The following CELF2 variants were observed in gnomAD, a reference collection of about 807,000 sequenced individuals.
The protein encoded by CELF2 is CUG triplet repeat RNA-binding protein 2.
In CELF2, 8 loss-of-function variants were observed where a neutral mutation model predicts 62.6. The ratio of observed to expected loss-of-function variants is 0.13; its 90% confidence interval spans 0.07 to 0.23. The LOEUF (loss-of-function observed/expected upper bound fraction) is 0.23, where lower values mean the gene tolerates loss of function less well. CELF2 is among the 10% of genes least tolerant of loss of function. The pLI is 1.00. For synonymous variants in CELF2, 258 were observed against 250.0 expected, an observed-to-expected ratio of 1.03 and a Z score of -0.30; for missense variants, 333 against 671.0, an observed-to-expected ratio of 0.50 and a Z score of 5.56.
At chr10:10,741,679 A>G in the CELF2 span, among the ~76,000 whole-genome samples, 1 of 152,088 alleles carries the variant, frequency 6.6e-6, no homozygotes, top group Non-Finnish European at 1.5e-5. Context: ...AGTGTTCAAC[A>G]GGCCAGTATG....
At chr10:10,679,790 C>T in the CELF2 span, among the ~76,000 whole-genome samples, 6 of 152,136 alleles carry the variant, frequency 3.9e-5, no homozygotes, top group Non-Finnish European at 7.3e-5. Flanking sequence ...ATACACATTG[C>T]TGTCCATTGA....
the CELF2 span, among the ~76,000 whole-genome samples, chr10:10,638,080 C>T: frequency 6.6e-6 from 1 of 152,272 alleles, no homozygotes; most frequent in East Asian, 1.9e-4. Flanking sequence ...AGTGGAGCAT[C>T]ATTTCATATT....
At chr10:11,254,848 A>G (rs1353205560) in intron 4 of CELF2, among the ~76,000 whole-genome samples, 1 of 152,052 alleles carries the variant, frequency 6.6e-6, no homozygotes, top group African/African-American at 2.4e-5. Flanking sequence ...GGGAAGGAGG[A>G]GTCCTGCTGA....
intron 2 of CELF2, among the ~76,000 whole-genome samples, chr10:10,962,055 C>A (rs1325830012): frequency 6.6e-6 from 1 of 151,072 alleles, no homozygotes; most frequent in African/African-American, 2.4e-5. Context: ...TTATAGGAGA[C>A]CCCATCTCTA....
At chr10:11,091,115 G>GT (rs2048199806) in intron 1 of CELF2, among the ~76,000 whole-genome samples, 1 of 152,168 alleles carries the variant, frequency 6.6e-6, no homozygotes. Flanking sequence ...ACATAAAGCA[G>GT]TAAGCCTATG....
At chr10:10,584,092 G>T in the CELF2 span, among the ~76,000 whole-genome samples, 3 of 152,094 alleles carry the variant, frequency 2.0e-5, no homozygotes, top group African/African-American at 7.2e-5. Flanking sequence ...GTGATAACAC[G>T]GTTATCACCA....
rs543452264 is a variant in CELF2, at chr10:10,850,595, A to G, written c.53+51778A>G. Reference sequence around the variant, plus strand: ...ATCAGACTCTAGGAAGGATGTTTGAATATGTTGGAGAGCCACAAAAGATAA... The same window carrying G: ...ATCAGACTCTAGGAAGGATGTTTGAGTATGTTGGAGAGCCACAAAAGATAA... On this transcript the variant is annotated intron_variant, in intron 1 of 13. Transcript: ENST00000636488. Among the ~76,000 whole-genome samples, 175 of 152,344 alleles carry G rather than the reference A, an allele frequency of 1.1e-3. 2 individuals are homozygous for G. Among genetic ancestry groups the G allele is most frequent in the African/African-American group, 4.1e-3 (172 of 41,592 alleles).
chr10:10,557,409 C>A, the CELF2 span, among the ~76,000 whole-genome samples: 176 of 149,100 alleles, frequency 1.2e-3, no homozygotes, highest in African/African-American at 4.2e-3. Context: ...GTTTTGGTAC[C>A]AGTACCATGC....
chr10:10,821,334 G>C (rs1169418624), intron 1 of CELF2, among the ~76,000 whole-genome samples: 2 of 152,174 alleles, frequency 1.3e-5, no homozygotes, highest in East Asian at 3.9e-4. Flanking sequence ...GTGGATGCTG[G>C]GTGCATGTGT....
the CELF2 span, among the ~76,000 whole-genome samples, chr10:10,781,852 A>G: frequency 2.0e-5 from 3 of 152,222 alleles, no homozygotes; most frequent in Admixed American, 2.0e-4. Flanking sequence ...ACCTCCCTGT[A>G]TCCATACTAC....
chr10:10,934,623 A>C lies in CELF2; in HGVS notation c.89+14624A>C, dbSNP rs1383562130. On this transcript the variant is annotated intron_variant, in intron 2 of 13. Coordinates refer to the CELF2 transcript ENST00000636488. The surrounding 1 kb of genome is among the most constrained non-coding windows in gnomAD (Gnocchi z 4.4). ...CACATTTCCAGTTTAGGAATGTCCT[A>C]GTATCATGAACAAAAACTAGGGATG... 1 of 152,270 alleles carries C rather than the reference A, an allele frequency of 6.6e-6. No homozygotes were observed. Among genetic ancestry groups the C allele is most frequent in the Non-Finnish European group, 1.5e-5 (1 of 68,054 alleles). 9.4% of individuals were successfully genotyped at this position (152,270 alleles called of 1,614,324 possible).
At chr10:11,047,808 T>C (rs1431249955) in intron 1 of CELF2, among the ~76,000 whole-genome samples, 2 of 152,232 alleles carry the variant, frequency 1.3e-5, no homozygotes, top group Middle Eastern at 3.2e-3. Flanking sequence ...TTCATTCTTA[T>C]GTTGCCTATA....
intron 2 of CELF2, among the ~76,000 whole-genome samples, chr10:11,197,880 A>G (rs1451047174): frequency 6.6e-6 from 1 of 152,168 alleles, no homozygotes. Flanking sequence ...CTATTTCTTG[A>G]TATTTGTTTA....
At chr10:10,642,269 T>C in the CELF2 span, among the ~76,000 whole-genome samples, 1 of 152,242 alleles carries the variant, frequency 6.6e-6, no homozygotes, top group East Asian at 1.9e-4. Flanking sequence ...AGTTTGTCAC[T>C]GTAGTGGTAA....
In CELF2 at chr10:11,280,745, G is replaced by A. The variant is rs1188132424; in HGVS notation, c.841+5625G>A. Among the ~76,000 whole-genome samples, 2 of 152,194 alleles carry A rather than the reference G, an allele frequency of 1.3e-5. No homozygotes were observed. The highest frequency in any genetic ancestry group is 3.9e-4 in the East Asian group (2 of 5,188). On this transcript the variant is annotated intron_variant, in intron 8 of 12. Transcript: ENST00000633077. This position sits in a 1 kb window ranked among gnomAD's most constrained non-coding sequence, Gnocchi z 7.6. ...CCTCTGCCTGGCTGAGTGGACAGAG[G>A]CCGCTCTGGGTGGGGGAAACGGTGC... is the stretch of plus-strand genomic sequence containing the variant.
the CELF2 span, among the ~76,000 whole-genome samples, chr10:10,730,356 A>G: frequency 6.6e-6 from 1 of 152,212 alleles, no homozygotes; most frequent in Non-Finnish European, 1.5e-5. Flanking sequence ...GCATGCCTGT[A>G]ATCCCAGCTA....
At chr10:10,832,275 A>T (rs867722529) in intron 1 of CELF2, among the ~76,000 whole-genome samples, 91 of 62,134 alleles carry the variant, frequency 1.5e-3, no homozygotes, top group African/African-American at 6.1e-3. Flanking sequence ...CTAAAAAAAA[A>T]AAATAAAAAT....
intron 1 of CELF2, chr10:10,917,936 A>G (rs1163264938): frequency 6.6e-6 from 1 of 152,262 alleles, no homozygotes. Flanking sequence ...GAGACTCATC[A>G]TATTAAAATA....
the CELF2 span, among the ~76,000 whole-genome samples, chr10:10,694,654 T>C: frequency 6.6e-6 from 1 of 151,670 alleles, no homozygotes; most frequent in African/African-American, 2.4e-5. Flanking sequence ...TCTAAGTCTC[T>C]TTGTAGGTCA....
Sources: allele counts gnomAD v4.1 joint callset (sites outside exome capture counted in the v4.1 genomes callset), GRCh38; gene constraint gnomAD v4.1.1; non-coding constraint Gnocchi (gnomAD v3.1); transcripts MANE v1.5; gene names NCBI Gene and HGNC (gene_info 2026-07-23, HGNC 2026-07-21).